The following ALK variants were observed in gnomAD, a reference collection of about 807,000 sequenced individuals.
ALK encodes the protein ALK tyrosine kinase receptor.
ALK carries 74 observed loss-of-function variants against 163.1 expected under a neutral mutation model. The ratio of observed to expected loss-of-function variants is 0.45; its 90% CI spans 0.38 to 0.55. ALK has a LOEUF of 0.55. Ranked by LOEUF, ALK falls within the 20% of genes least tolerant of loss-of-function variation. The probability of loss-of-function intolerance (pLI) is 0.00; values close to 1 mark genes in which losing one functional copy is unlikely to be tolerated. For missense variants in ALK, 2,063 were observed against 2,105.3 expected (o/e 0.98, Z 0.39); for synonymous variants, 960 against 843.2 (o/e 1.14, Z -2.40).
At chr2:29,841,744 C>A (rs1459660325) in intron 1 of ALK, among the ~76,000 whole-genome samples, 1 of 152,182 alleles carries the variant, frequency 6.6e-6, no homozygotes, top group Non-Finnish European at 1.5e-5. Flanking sequence ...ATGAAATAAA[C>A]TTCCATTTCT....
At chr2:29,678,080 C>T (rs532327038) in intron 3 of ALK, among the ~76,000 whole-genome samples, 1 of 152,042 alleles carries the variant, frequency 6.6e-6, no homozygotes, top group South Asian at 2.1e-4. Flanking sequence ...TCTAAGGTGT[C>T]ATATATTGGC....
chr2:29,680,009 G>A (rs564093652), intron 3 of ALK, among the ~76,000 whole-genome samples: 2 of 152,056 alleles, frequency 1.3e-5, no homozygotes, highest in South Asian at 4.1e-4. Flanking sequence ...TGGAATATGT[G>A]TTCCACTGTC....
At chr2:29,303,322 A>G (rs1330284756) in intron 8 of ALK, among the ~76,000 whole-genome samples, 1 of 152,228 alleles carries the variant, frequency 6.6e-6, no homozygotes, top group Non-Finnish European at 1.5e-5. Context: ...TGCAAATCAA[A>G]ACCAATGAGA....
chr2:29,195,752 T>C (rs1669006505), intron 28 of ALK, among the ~76,000 whole-genome samples: 1 of 152,026 alleles, frequency 6.6e-6, no homozygotes, highest in South Asian at 2.1e-4. Context: ...ATTAAATAAA[T>C]AGTGGTTTAT....
At chr2:29,798,602 A>G (rs892233877) in intron 1 of ALK, among the ~76,000 whole-genome samples, 15 of 152,254 alleles carry the variant, frequency 9.9e-5, no homozygotes. Flanking sequence ...AGAATGGTGA[A>G]GCTCTCGAGA....
At chr2:29,765,308 G>T (rs762348690) in intron 1 of ALK, among the ~76,000 whole-genome samples, 2 of 152,002 alleles carry the variant, frequency 1.3e-5, no homozygotes, top group African/African-American at 2.4e-5. Flanking sequence ...ATATAGAGTG[G>T]CCTCTTATGG....
Position 29,920,950 on chromosome 2 carries a change from G to C in ALK, c.-291C>G. On this transcript the variant is annotated 5_prime_UTR_variant, in exon 1 of 29. Transcript: ENST00000389048. Reference sequence around the variant, plus strand: ...TCCCGCTCTCCGCGCCGAGTGCCGCGCCCCCGTCTGTAGCTCGCTGCGCTC... The same window carrying C: ...TCCCGCTCTCCGCGCCGAGTGCCGCCCCCCCGTCTGTAGCTCGCTGCGCTC... 1 of 494,756 alleles carries C rather than the reference G, an allele frequency of 2.0e-6. No individual in the cohort carries two copies. The highest frequency in any genetic ancestry group is 3.6e-6 in the Non-Finnish European group (1 of 275,732). The allele number at this position is 494,756 out of a possible 1,614,324, so 30.6% of individuals were successfully genotyped here.
intron 4 of ALK, among the ~76,000 whole-genome samples, chr2:29,414,680 T>C (rs1430177561): frequency 2.0e-5 from 3 of 152,252 alleles, no homozygotes; most frequent in Non-Finnish European, 4.4e-5. Flanking sequence ...ATTGTTTGTG[T>C]GTGAGTGGCA....
At chr2:29,744,192 G>A (rs184555158) in intron 1 of ALK, among the ~76,000 whole-genome samples, 1 of 152,296 alleles carries the variant, frequency 6.6e-6, no homozygotes, top group South Asian at 2.1e-4. Flanking sequence ...GGCCCCACAG[G>A]AGGAGCTACT....
chr2:29,557,330 G>T (rs1216063475), intron 3 of ALK, among the ~76,000 whole-genome samples: 2 of 152,166 alleles, frequency 1.3e-5, no homozygotes, highest in African/African-American at 4.8e-5. Context: ...GGAACCAAAT[G>T]GTCATGAGAA....
intron 5 of ALK, among the ~76,000 whole-genome samples, chr2:29,380,848 C>G (rs753240471): frequency 6.6e-6 from 1 of 152,204 alleles, no homozygotes; most frequent in Non-Finnish European, 1.5e-5. Flanking sequence ...TCCTCCAACA[C>G]TGAGGATTAT....
intron 3 of ALK, among the ~76,000 whole-genome samples, chr2:29,660,438 A>G (rs1677314416): frequency 6.6e-6 from 1 of 152,124 alleles, no homozygotes; most frequent in African/African-American, 2.4e-5. Context: ...CTCTTGAGGA[A>G]ATCACTGGTG....
At chr2:29,852,728 G>A (rs73922312) in intron 1 of ALK, among the ~76,000 whole-genome samples, 19 of 152,154 alleles carry the variant, frequency 1.2e-4, no homozygotes, top group African/African-American at 4.6e-4. Flanking sequence ...TCCCCAGTGT[G>A]ATGGTATTTG....
intron 3 of ALK, among the ~76,000 whole-genome samples, chr2:29,542,770 G>A (rs535364725): frequency 1.8e-4 from 27 of 152,134 alleles, no homozygotes; most frequent in South Asian, 4.1e-4. Context: ...AAATTCATCC[G>A]TGGCATTTTG....
intron 3 of ALK, among the ~76,000 whole-genome samples, chr2:29,682,685 C>G (rs1164964350): frequency 2.6e-5 from 4 of 152,174 alleles, no homozygotes; most frequent in Admixed American, 2.6e-4. Context: ...ACAGGGGCAT[C>G]CCAAGCTGTT....
intron 1 of ALK, among the ~76,000 whole-genome samples, chr2:29,778,547 A>G (rs1048156885): frequency 6.6e-6 from 1 of 152,186 alleles, no homozygotes; most frequent in Non-Finnish European, 1.5e-5. Flanking sequence ...GTGTACATAC[A>G]TACACGTGCA....
intron 3 of ALK, among the ~76,000 whole-genome samples, chr2:29,622,744 G>C (rs754956021): frequency 2.0e-5 from 3 of 152,056 alleles, no homozygotes; most frequent in African/African-American, 7.3e-5. Flanking sequence ...CTCTGCACAT[G>C]CTCTTCCCTT....
intron 5 of ALK, among the ~76,000 whole-genome samples, chr2:29,378,532 G>A (rs1051751735): frequency 2.0e-5 from 3 of 152,066 alleles, no homozygotes; most frequent in Admixed American, 2.0e-4. Flanking sequence ...CCATAATAAT[G>A]GGAATAATAA....
At chr2:29,482,994 G>A (rs929694038) in intron 4 of ALK, among the ~76,000 whole-genome samples, 1 of 152,148 alleles carries the variant, frequency 6.6e-6, no homozygotes, top group Non-Finnish European at 1.5e-5. Context: ...CTATTCCTAC[G>A]CAGTTATTGG....
Sources: allele counts gnomAD v4.1 joint callset (sites outside exome capture counted in the v4.1 genomes callset), GRCh38; gene constraint gnomAD v4.1.1; transcripts MANE v1.5; gene names NCBI Gene and HGNC (gene_info 2026-07-23, HGNC 2026-07-21).